COL21A1: variants seen among roughly 807,000 people sequenced by gnomAD.
The protein encoded by COL21A1 is collagen alpha-1(XXI) chain.
In COL21A1, 149 loss-of-function variants were observed where a neutral mutation model predicts 137.9. The observed-to-expected ratio is 1.08, with a 90% CI of 0.95 to 1.24. The LOEUF (loss-of-function observed/expected upper bound fraction) is 1.24, where lower values mean the gene tolerates loss of function less well. Ranked by LOEUF, COL21A1 falls within the 50% of genes most tolerant of loss-of-function variation. The probability of loss-of-function intolerance (pLI) is 0.00; values close to 1 mark genes in which losing one functional copy is unlikely to be tolerated. For synonymous variants in COL21A1, 456 were observed against 391.5 expected, an observed-to-expected ratio of 1.16 and a Z score of -1.95; for missense variants, 1,167 against 1,158.4, an observed-to-expected ratio of 1.01 and a Z score of -0.11.
At chr6:56,242,792 A>G (rs1241416057) in intron 1 of COL21A1, among the ~76,000 whole-genome samples, 2 of 152,206 alleles carry the variant, frequency 1.3e-5, no homozygotes, top group Admixed American at 6.5e-5. Context: ...CATTGTAAAC[A>G]TATTGCTTTC....
chr6:56,234,536 C>A (rs1449400960), intron 1 of COL21A1, among the ~76,000 whole-genome samples: 1 of 151,758 alleles, frequency 6.6e-6, no homozygotes, highest in Non-Finnish European at 1.5e-5. Flanking sequence ...TGTTAAACAT[C>A]ATTTTTAACA....
intron 8 of COL21A1, 46 bp from the exon 9 acceptor site, chr6:56,164,552 A>G (rs1030223790): frequency 6.1e-6 from 8 of 1,314,814 alleles, no homozygotes; most frequent in Non-Finnish European, 8.6e-6. Flanking sequence ...GGAAAGACAT[A>G]TAAGTACATG....
At chr6:56,289,102 C>T (rs1763980151) in intron 1 of COL21A1, among the ~76,000 whole-genome samples, 1 of 152,148 alleles carries the variant, frequency 6.6e-6, no homozygotes, top group Non-Finnish European at 1.5e-5. Context: ...GTAAAGTGTG[C>T]CTAACAAAGC....
At position 56,141,930 on chromosome 6, in the gene COL21A1, T is replaced by G. The variant is rs1774445244; in HGVS notation, c.1488A>C (p.Gln496His). 2 of 1,553,264 alleles carry G rather than the reference T, an allele frequency of 1.3e-6. No homozygotes were observed. Among genetic ancestry groups the G allele is most frequent in the Non-Finnish European group, 1.7e-6 (2 of 1,146,852 alleles). The change falls in exon 11 of 30, where the codon CAA (glutamine) becomes CAC (histidine). Residue 496 changes from glutamine to histidine, a missense_variant and splice_region_variant. Physicochemically the swap from Gln to His is conservative, Grantham distance 24. Transcript: ENST00000244728. Reference sequence around the variant, plus strand: ...AAATGTATATAAGTGGATCACATACTTGTATTCCTGGAGATCCTGGAACAC... The same window carrying G: ...AAATGTATATAAGTGGATCACATACGTGTATTCCTGGAGATCCTGGAACAC... ...TPGVPGSPGI[Q>H]GARGLPGYKG...
intron 12 of COL21A1, among the ~76,000 whole-genome samples, chr6:56,134,309 A>G (rs1773813485): frequency 6.6e-6 from 1 of 152,146 alleles, no homozygotes; most frequent in Non-Finnish European, 1.5e-5. Flanking sequence ...TGGATTTCAG[A>G]CTTGCATAGG....
chr6:56,370,529 T>G (rs1463039570), intron 1 of COL21A1, among the ~76,000 whole-genome samples: 1 of 152,240 alleles, frequency 6.6e-6, no homozygotes, highest in Non-Finnish European at 1.5e-5. Flanking sequence ...CTGGTGTTAT[T>G]CCTGCATTTT....
intron 12 of COL21A1, among the ~76,000 whole-genome samples, chr6:56,132,982 C>T (rs1039257949): frequency 6.6e-6 from 1 of 152,148 alleles, no homozygotes; most frequent in African/African-American, 2.4e-5. Context: ...GTAAATTGCC[C>T]AGTCTCAGCT....
upstream of COL21A1, among the ~76,000 whole-genome samples, chr6:56,248,889 A>G (rs189459199): frequency 2.6e-4 from 40 of 152,316 alleles, no homozygotes; most frequent in Non-Finnish European, 4.6e-4. Flanking sequence ...TTCAAGAAAA[A>G]ATAAGTTAGA....
intron 1 of COL21A1, among the ~76,000 whole-genome samples, chr6:56,289,132 C>T (rs531530512): frequency 6.6e-6 from 1 of 152,312 alleles, no homozygotes; most frequent in Admixed American, 6.5e-5. Context: ...AGTGCAGGCC[C>T]ACTTGGTTGC....
At position 56,286,519 on chromosome 6, in the gene COL21A1, C is replaced by T. The variant is rs187839236; in HGVS notation, c.-38-103863G>A. Among the ~76,000 whole-genome samples, 65 of 152,280 alleles carry T rather than the reference C, an allele frequency of 4.3e-4. No individual in the cohort carries two copies. The South Asian group carries it at 8.1e-3, about 19-fold the overall frequency. ...ATTTCCCAAATAAAATTCTAAGTTC[C>T]GTGAGGCTGATACCATGTAAGCTAC... On this transcript the variant is annotated intron_variant, in intron 1 of 28. Coordinates refer to the COL21A1 transcript ENST00000370819.
chr6:56,127,220 T>G (rs751535425), intron 12 of COL21A1, among the ~76,000 whole-genome samples: 1 of 152,232 alleles, frequency 6.6e-6, no homozygotes, highest in Non-Finnish European at 1.5e-5. Context: ...TTTGGTTAAA[T>G]CAGTAGTCAG....
intron 1 of COL21A1, among the ~76,000 whole-genome samples, chr6:56,355,123 T>C (rs1765802042): frequency 6.6e-6 from 1 of 151,454 alleles, no homozygotes; most frequent in African/African-American, 2.4e-5. Context: ...TATCACCACT[T>C]TGCAATCTCT....
chr6:56,321,510 C>T (rs761724332), intron 1 of COL21A1, among the ~76,000 whole-genome samples: 1 of 152,138 alleles, frequency 6.6e-6, no homozygotes, highest in Non-Finnish European at 1.5e-5. Context: ...CTAATGATTT[C>T]TTACTTGCTG....
intron 1 of COL21A1, among the ~76,000 whole-genome samples, chr6:56,308,002 CT>C (rs1764511945): frequency 6.6e-6 from 1 of 152,144 alleles, no homozygotes; most frequent in Non-Finnish European, 1.5e-5. Flanking sequence ...GCTGTTAATC[CT>C]TTAAAAAGAA....
intron 19 of COL21A1, 27 bp downstream of exon 19, chr6:56,075,452 T>C (rs1767143390): frequency 3.3e-6 from 5 of 1,528,190 alleles, no homozygotes; most frequent in Middle Eastern, 1.7e-4. Flanking sequence ...AACACTTTGA[T>C]GTATGATGAT....
rs182614940 is a variant in COL21A1 at position 56,379,607 on chromosome 6, A to G, written c.-39+14364T>C. Among the ~76,000 whole-genome samples, 69 of 152,330 alleles carry G rather than the reference A, an allele frequency of 4.5e-4. No homozygotes were observed. In the East Asian group the frequency reaches 0.011, roughly 24 times the overall value. On this transcript the variant is annotated intron_variant, in intron 1 of 28. Coordinates refer to the COL21A1 transcript ENST00000370819. ...TCATCCTACGTTCCTGCCTAGAAAC[A>G]TATGTACATAAACATCAAAAACTGT...
chr6:56,292,554 G>A (rs116418147), intron 1 of COL21A1, among the ~76,000 whole-genome samples: 1,831 of 152,244 alleles, frequency 0.012, 38 homozygotes, highest in African/African-American at 0.041. Context: ...GCCAGAGCTT[G>A]GAGTATCTCC....
intron 1 of COL21A1, among the ~76,000 whole-genome samples, chr6:56,366,083 C>T (rs1766092000): frequency 6.6e-6 from 1 of 152,160 alleles, no homozygotes; most frequent in African/African-American, 2.4e-5. Flanking sequence ...CACCTTATAG[C>T]ATTTACCCTT....
At chr6:56,340,076 A>G (rs1051486876) in intron 1 of COL21A1, among the ~76,000 whole-genome samples, 4 of 152,222 alleles carry the variant, frequency 2.6e-5, no homozygotes, top group African/African-American at 9.6e-5. Context: ...GCCATCTCAG[A>G]ACCGTACATG....
Sources: allele counts gnomAD v4.1 joint callset (sites outside exome capture counted in the v4.1 genomes callset), GRCh38; gene constraint gnomAD v4.1.1; transcripts MANE v1.5; gene names NCBI Gene and HGNC (gene_info 2026-07-23, HGNC 2026-07-21).